Variants in RIOK2 observed in about 807,000 individuals in gnomAD.
RIOK2 encodes the protein RIO kinase 2.
In RIOK2, 46 loss-of-function variants were observed where a neutral mutation model predicts 62.4. The ratio of observed to expected loss-of-function variants is 0.74; its 90% CI spans 0.58 to 0.94. RIOK2 has a LOEUF of 0.94. RIOK2 is among the 40% of genes least tolerant of loss of function. The pLI is 0.00. For missense variants in RIOK2, 574 were observed against 658.0 expected (o/e 0.87, Z 1.40); for synonymous variants, 197 against 216.0 (o/e 0.91, Z 0.77).
chr5:97,167,801 C>CA lies in RIOK2; in HGVS notation c.1062dup (p.Glu355Ter). 1 of 1,614,180 alleles carries CA rather than the reference C, an allele frequency of 6.2e-7. No homozygotes were observed. Among genetic ancestry groups the CA allele is most frequent in the Non-Finnish European group, 8.5e-7 (1 of 1,180,010 alleles). On this transcript the variant is annotated frameshift_variant, in exon 8 of 10. Transcript: ENST00000283109. LOFTEE classifies it high-confidence loss of function. ...TCTGATTCTTCTAGACAGTTCCGTTCACTTTCATTTTCTGACCCGTAAACC... is the reference window on the plus strand; with the variant it reads ...TCTGATTCTTCTAGACAGTTCCGTTCAACTTTCATTTTCTGACCCGTAAACC...
rs1749264391 is a variant in RIOK2, at chr5:97,179,160, G to A, written c.100C>T (p.Pro34Ser). 6.2e-7 allele frequency: 1 copy of A among 1,613,608 alleles called. No homozygotes were observed. Residue 34 changes from proline to serine, a missense_variant, in exon 2 of 10, where the codon CCC (proline) becomes TCC (serine). Physicochemically the swap from Pro to Ser is moderately conservative, Grantham distance 74. Transcript: ENST00000283109. ...EMGMKNHEIV[P>S]GSLIASIASL... ...GCTATAGAAGCAATCAAACTGCCGGGAACAATTTCATGGTTCTTCATGCCC... is the reference window on the plus strand; with the variant it reads ...GCTATAGAAGCAATCAAACTGCCGGAAACAATTTCATGGTTCTTCATGCCC...
intron 9 of RIOK2, among the ~76,000 whole-genome samples, chr5:97,163,556 G>A (rs1394092014): frequency 6.6e-6 from 1 of 152,112 alleles, no homozygotes; most frequent in East Asian, 1.9e-4. Context: ...ATTTTGTATA[G>A]AAAATTATTT....
At chr5:97,167,278 A>T (rs570572236) in intron 8 of RIOK2, 189 bp downstream of exon 8, 1 of 1,436,542 alleles carries the variant, frequency 7.0e-7, no homozygotes, top group South Asian at 1.6e-5. Context: ...GCTGCCTAGA[A>T]TCAGGTCAAT....
rs1391684446 is a variant in RIOK2 at position 97,162,420 on chromosome 5, C to A, written c.*641G>T. ...ACTCCACCTTCCCCAACCCCTAACT[C>A]TTCTGCTACTCAGGCCTGCTTACAA... is the stretch of plus-strand genomic sequence containing the variant. On this transcript the variant is annotated 3_prime_UTR_variant, in exon 10 of 10. Coordinates refer to ENST00000283109, the MANE Select transcript of RIOK2 (RefSeq NM_018343.3). The A allele has an allele frequency of 1.3e-5, 2 of 152,460 alleles. No homozygotes were observed. The highest frequency in any genetic ancestry group is 3.8e-4 in the East Asian group (2 of 5,214). 9.4% of individuals were successfully genotyped at this position (152,460 alleles called of 1,614,324 possible).
chr5:97,166,436 AG>A, intron 8 of RIOK2: 1 of 379,798 alleles, frequency 2.6e-6, no homozygotes, highest in Non-Finnish European at 5.3e-6. Context: ...AGATAAAGGT[AG>A]GCTTAAGATA....
intron 1 of RIOK2, among the ~76,000 whole-genome samples, chr5:97,180,142 G>GTATGTATGTGTATA (rs1350504483): frequency 1.0e-5 from 1 of 96,072 alleles, no homozygotes; most frequent in African/African-American, 4.1e-5. Flanking sequence ...ATATATATAT[G>GTATGTATGTGTATA]TATATATATA....
At chr5:97,166,167 G>A in intron 8 of RIOK2, 1 of 329,604 alleles carries the variant, frequency 3.0e-6, no homozygotes, top group Non-Finnish European at 6.0e-6. Context: ...TACAGATCCT[G>A]GGACTTCTCA....
intron 1 of RIOK2, among the ~76,000 whole-genome samples, chr5:97,179,702 T>G (rs1416460988): frequency 2.1e-5 from 3 of 142,610 alleles, no homozygotes; most frequent in Non-Finnish European, 1.5e-5. Context: ...CTCAGAAAAC[T>G]AACACAAGAG....
chr5:97,180,016 A>AATATATATATAATATATATATT (rs1749320202), intron 1 of RIOK2, among the ~76,000 whole-genome samples: 2 of 44,150 alleles, frequency 4.5e-5, no homozygotes, highest in African/African-American at 1.6e-4. Context: ...ATATATATAT[A>AATATATATATAATATATATATT]ATATATATAT....
At chr5:97,175,202 T>C (rs139168218) in intron 4 of RIOK2, among the ~76,000 whole-genome samples, 144 of 152,326 alleles carry the variant, frequency 9.5e-4, no homozygotes, top group Middle Eastern at 3.4e-3. Context: ...TTTCAAAAGG[T>C]TGTCTATTGC....
intron 4 of RIOK2, among the ~76,000 whole-genome samples, chr5:97,174,235 T>C (rs1201182062): frequency 6.6e-6 from 1 of 152,088 alleles, no homozygotes; most frequent in Admixed American, 6.5e-5. Flanking sequence ...CCTGCCAGCA[T>C]GGTGAAACCC....
In RIOK2 at chr5:97,168,398, G is replaced by C. The variant is rs566103213; in HGVS notation, c.872+362C>G. ...AGAATGCACATGATAGTTATGTTTTGAGAATCAATTAAAGATACCTCCTGG... is the reference window on the plus strand; with the variant it reads ...AGAATGCACATGATAGTTATGTTTTCAGAATCAATTAAAGATACCTCCTGG... On this transcript the variant is annotated intron_variant, in intron 7 of 9. Transcript: ENST00000283109. Among the ~76,000 whole-genome samples the C allele has an allele frequency of 2.0e-5, 3 of 146,650 alleles. No individual in the cohort carries two copies. The East Asian group carries it at 6.0e-4, about 29-fold the overall frequency.
rs974971812 is a variant in RIOK2 at position 97,166,840 on chromosome 5, G to A, written c.1397+627C>T. On this transcript the variant is annotated intron_variant, in intron 8 of 9. Coordinates refer to ENST00000283109, the MANE Select transcript of RIOK2 (RefSeq NM_018343.3). ...CAGATGTGTAATTAGGAAAATATAT[G>A]AGGAATAACTCATCCATCTAAAACC... 5.1e-6 allele frequency: 5 copies of A among 982,936 alleles called. No individual in the cohort carries two copies. In the African/African-American group the frequency reaches 7.0e-5, roughly 14 times the overall value. 60.9% of individuals were successfully genotyped at this position (982,936 alleles called of 1,614,324 possible).
intron 4 of RIOK2, among the ~76,000 whole-genome samples, chr5:97,175,259 T>A (rs1318575648): frequency 6.6e-6 from 1 of 152,184 alleles, no homozygotes; most frequent in African/African-American, 2.4e-5. Context: ...TTCCCAGATA[T>A]TTTTCTTTGC....
chr5:97,182,933 C>A (rs1305653617), intron 1 of RIOK2, 193 bp downstream of exon 1: 2 of 696,148 alleles, frequency 2.9e-6, no homozygotes, highest in Middle Eastern at 2.4e-4. Flanking sequence ...TTTGCTCTAT[C>A]TGGGGGAAGG....
chr5:97,171,266 T>A lies in RIOK2; in HGVS notation c.719A>T (p.Asp240Val). 6.2e-7 allele frequency: 1 copy of A among 1,606,826 alleles called. No individual in the cohort carries two copies. Among genetic ancestry groups the A allele is most frequent in the Non-Finnish European group, 8.5e-7 (1 of 1,176,488 alleles). ...TGGAAAATCAATCATGGTGATATGG[T>A]CACTTTCATCCAAAATGAGATTAAA... ...NEFNLILDES[D>V]HITMIDFPQM... The change falls in exon 6 of 10, where the codon GAC becomes GTC. Residue 240 changes from aspartate to valine, a missense_variant. Asp to Val is a radical substitution (Grantham distance 152). Transcript: ENST00000283109.
At chr5:97,176,383 C>T (rs1437339941) in intron 4 of RIOK2, among the ~76,000 whole-genome samples, 1 of 152,068 alleles carries the variant, frequency 6.6e-6, no homozygotes, top group African/African-American at 2.4e-5. Flanking sequence ...GCTCTGTTGC[C>T]CAGGCTTGAG....
chr5:97,179,962 T>TA (rs1749291717), intron 1 of RIOK2, among the ~76,000 whole-genome samples: 1 of 19,272 alleles, frequency 5.2e-5, no homozygotes, highest in African/African-American at 1.2e-4. Flanking sequence ...TTAAAAGTAT[T>TA]TTATATATAT....
intron 1 of RIOK2, among the ~76,000 whole-genome samples, chr5:97,182,233 A>G (rs1445104186): frequency 6.6e-6 from 1 of 152,212 alleles, no homozygotes; most frequent in Non-Finnish European, 1.5e-5. Flanking sequence ...GGTTACCCCC[A>G]CATTCTTTAC....
Sources: gnomAD v4.1 joint callset for allele counts (sites outside exome capture counted in the v4.1 genomes callset) on GRCh38, gnomAD v4.1.1 for gene constraint, MANE v1.5 for transcripts, NCBI Gene and HGNC (gene_info 2026-07-23, HGNC 2026-07-21) for gene names.